RNF175: variants seen among roughly 807,000 people sequenced by gnomAD.
The protein encoded by RNF175 is ring finger protein 175.
RNF175 carries 38 observed loss-of-function variants against 50.0 expected under a neutral mutation model. The observed-to-expected ratio is 0.76, with a 90% CI of 0.59 to 1.00. The LOEUF (loss-of-function observed/expected upper bound fraction) is 1.00. Among genes scored for constraint, RNF175 ranks in the 50% least tolerant of loss-of-function variants. RNF175 has a pLI of 0.00. For missense variants in RNF175, 388 were observed against 409.6 expected, an observed-to-expected ratio of 0.95 and a Z score of 0.46; for synonymous variants, 155 against 146.1, an observed-to-expected ratio of 1.06 and a Z score of -0.44.
In RNF175 at chr4:153,759,935, C is replaced by A. The variant is rs1740750360; in HGVS notation, c.-73G>T. On this transcript the variant is annotated 5_prime_UTR_variant, in exon 1 of 9. Coordinates refer to ENST00000347063, the MANE Select transcript of RNF175 (RefSeq NM_173662.4). The stretch of plus-strand genomic sequence containing the variant: ...GTCCCGCAGAGTCCGCAGAAGGAGG[C>A]GCCGCGGGGCCTCGGGAGCCGAGGG... 9.9e-6 allele frequency: 9 copies of A among 904,860 alleles called. No homozygotes were observed. The highest frequency in any genetic ancestry group is 8.7e-5 in the African/African-American group (5 of 57,314). 56.1% of individuals were successfully genotyped at this position (904,860 alleles called of 1,614,324 possible).
At chr4:153,756,711 T>C (rs1388084113) in intron 1 of RNF175, among the ~76,000 whole-genome samples, 1 of 152,200 alleles carries the variant, frequency 6.6e-6, no homozygotes, top group African/African-American at 2.4e-5. Flanking sequence ...TCTGTTCTCA[T>C]GAATAGGACC....
chr4:153,734,665 C>CTTTTTTTTTTTTTTTTTTTTTTT (rs56211482), intron 3 of RNF175, among the ~76,000 whole-genome samples: 2 of 73,182 alleles, frequency 2.7e-5, no homozygotes, highest in African/African-American at 8.3e-5. Flanking sequence ...TTTTTTTATT[C>CTTTTTTTTTTTTTTTTTTTTTTT]TTTTTTTTTT....
chr4:153,736,529 T>G (rs1221598008), intron 3 of RNF175, among the ~76,000 whole-genome samples: 2 of 152,210 alleles, frequency 1.3e-5, no homozygotes, highest in African/African-American at 4.8e-5. Context: ...CCTCAATGAA[T>G]GAATTTGCAA....
intron 1 of RNF175, among the ~76,000 whole-genome samples, chr4:153,756,521 C>T (rs1246769162): frequency 6.6e-6 from 1 of 152,158 alleles, no homozygotes; most frequent in Non-Finnish European, 1.5e-5. Context: ...ACCTCCAACC[C>T]ACTACTCTCC....
chr4:153,713,266 T>A (rs188361812), intron 7 of RNF175: 287 of 152,350 alleles, frequency 1.9e-3, no homozygotes, highest in African/African-American at 5.8e-3. Flanking sequence ...ACCAGGGACT[T>A]ACTCTAGTGT....
chr4:153,757,097 C>T (rs1740603727), intron 1 of RNF175, among the ~76,000 whole-genome samples: 1 of 152,188 alleles, frequency 6.6e-6, no homozygotes, highest in Non-Finnish European at 1.5e-5. Context: ...GCTTTCCTGT[C>T]CCTGAATGCT....
At chr4:153,712,618 A>G in intron 7 of RNF175, 42 bp from the exon 8 acceptor site, 1 of 1,294,572 alleles carries the variant, frequency 7.7e-7, no homozygotes, top group Non-Finnish European at 1.1e-6. Context: ...ATGAAAAGGC[A>G]ATGTCTGGTT....
chr4:153,754,237 T>G (rs533616213), intron 1 of RNF175, among the ~76,000 whole-genome samples: 2 of 151,112 alleles, frequency 1.3e-5, no homozygotes. Context: ...TGGAGAGAGA[T>G]GATGTAGGGC....
At position 153,728,297 on chromosome 4, in the gene RNF175, C is replaced by T. The variant is rs746352762; in HGVS notation, c.311G>A (p.Arg104Gln). The stretch of plus-strand genomic sequence containing the variant: ...GAACATCCCCCACATAGACAGAAAC[C>T]GCCACCAGTATAATTTTATCGTGAA... ...LYFTIKLYWW[R>Q]FLSMWGMFSV... The change falls in exon 4 of 9, where the codon CGG (arginine) becomes CAG (glutamine). Residue 104 changes from arginine (R) to glutamine (Q), a missense_variant. Physicochemically the swap from Arg to Gln is conservative, Grantham distance 43 (BLOSUM62 1). Transcript: ENST00000347063. 2.8e-5 allele frequency: 45 copies of T among 1,613,336 alleles called. No individual in the cohort carries two copies. The highest frequency in any genetic ancestry group is 3.3e-5 in the South Asian group (3 of 91,072).
intron 7 of RNF175, chr4:153,714,353 T>C (rs1313933992): frequency 1.3e-5 from 2 of 152,230 alleles, no homozygotes; most frequent in Admixed American, 6.5e-5. Flanking sequence ...TTAAGGCTTA[T>C]GTATTGGAGT....
chr4:153,733,854 T>C (rs78024257), intron 3 of RNF175, among the ~76,000 whole-genome samples: 2,685 of 152,320 alleles, frequency 0.018, 64 homozygotes, highest in African/African-American at 0.057. Context: ...ACTCCAGAAT[T>C]CCTGACCTAT....
At chr4:153,737,514 T>C (rs1399121166) in intron 3 of RNF175, among the ~76,000 whole-genome samples, 1 of 152,154 alleles carries the variant, frequency 6.6e-6, no homozygotes, top group South Asian at 2.1e-4. Flanking sequence ...TGCATTTTCA[T>C]TTTCATTTAA....
intron 3 of RNF175, among the ~76,000 whole-genome samples, chr4:153,735,531 GTAGAATCAGTT>G (rs543416393): frequency 1.3e-5 from 2 of 152,226 alleles, no homozygotes; most frequent in South Asian, 4.1e-4. Context: ...CACATGAACT[GTAGAATCAGTT>G]TGTTGACATA....
At chr4:153,734,309 CCAA>C (rs1467612585) in intron 3 of RNF175, among the ~76,000 whole-genome samples, 1 of 152,142 alleles carries the variant, frequency 6.6e-6, no homozygotes, top group Non-Finnish European at 1.5e-5. Context: ...ATTTGCATTC[CCAA>C]CAACGAGAGT....
intron 1 of RNF175, among the ~76,000 whole-genome samples, chr4:153,756,950 A>C (rs1380478323): frequency 6.6e-6 from 1 of 152,158 alleles, no homozygotes; most frequent in Non-Finnish European, 1.5e-5. Context: ...TCAAACAGTA[A>C]GAGTGTTCCC....
intron 1 of RNF175, among the ~76,000 whole-genome samples, chr4:153,751,859 T>C (rs973607483): frequency 6.6e-6 from 1 of 152,248 alleles, no homozygotes; most frequent in Non-Finnish European, 1.5e-5. Flanking sequence ...TTTGCTGGTA[T>C]CTTAAATGAT....
At chr4:153,715,146 A>C (rs1289398843) in intron 7 of RNF175, 1 of 331,568 alleles carries the variant, frequency 3.0e-6, no homozygotes, top group Non-Finnish European at 6.0e-6. Context: ...GGATAGTCTT[A>C]AGTTCCCCCC....
intron 3 of RNF175, among the ~76,000 whole-genome samples, chr4:153,735,032 T>G (rs1739280321): frequency 6.6e-6 from 1 of 152,146 alleles, no homozygotes; most frequent in East Asian, 1.9e-4. Context: ...AAAATCTATC[T>G]TATTTATATT....
intron 7 of RNF175, 87 bp from the exon 8 acceptor site, chr4:153,712,663 T>C: frequency 1.1e-6 from 1 of 872,442 alleles, no homozygotes; most frequent in South Asian, 1.4e-5. Flanking sequence ...CTTCAGGGTC[T>C]AGTGGTGGAG....
Sources: gnomAD v4.1 joint callset for allele counts (sites outside exome capture counted in the v4.1 genomes callset) on GRCh38, gnomAD v4.1.1 for gene constraint, MANE v1.5 for transcripts, NCBI Gene and HGNC (gene_info 2026-07-23, HGNC 2026-07-21) for gene names.